Variants in ADAMTS18 observed in about 807,000 individuals in gnomAD.
The protein encoded by ADAMTS18 is ADAM metallopeptidase with thrombospondin type 1 motif 18, also known as A disintegrin and metalloproteinase with thrombospondin motifs 18.
In ADAMTS18, 157 loss-of-function variants were observed where a neutral mutation model predicts 165.9. The observed-to-expected ratio is 0.95, with a 90% CI of 0.83 to 1.08. The LOEUF (loss-of-function observed/expected upper bound fraction) is 1.08, where lower values mean the gene tolerates loss of function less well. Among genes scored for constraint, ADAMTS18 ranks in the 50% least tolerant of loss-of-function variants. ADAMTS18 has a pLI of 0.00. For missense variants in ADAMTS18, 2,040 were observed against 1,534.0 expected (o/e 1.33, Z -5.51); for synonymous variants, 782 against 578.2 (o/e 1.35, Z -5.06).
intron 3 of ADAMTS18, among the ~76,000 whole-genome samples, chr16:77,399,725 A>G (rs1483198575): frequency 6.6e-6 from 1 of 152,174 alleles, no homozygotes; most frequent in Non-Finnish European, 1.5e-5. Flanking sequence ...TAAGCATTCA[A>G]AACATGTCAA....
chr16:77,333,417 C>G (rs2056222880), intron 12 of ADAMTS18, among the ~76,000 whole-genome samples: 1 of 151,138 alleles, frequency 6.6e-6, no homozygotes, highest in Non-Finnish European at 1.5e-5. Context: ...GCGCTATATA[C>G]CTATATAACA....
At chr16:77,284,565 G>T (rs1224415316) in intron 22 of ADAMTS18, among the ~76,000 whole-genome samples, 2 of 152,016 alleles carry the variant, frequency 1.3e-5, no homozygotes, top group South Asian at 2.1e-4. Context: ...TTGGGACTTT[G>T]GTAGGGGGGT....
At chr16:77,319,471 C>T (rs1384390405) in intron 16 of ADAMTS18, among the ~76,000 whole-genome samples, 2 of 152,094 alleles carry the variant, frequency 1.3e-5, no homozygotes, top group Non-Finnish European at 2.9e-5. Context: ...TTGAAACAGT[C>T]TTGCTCTGTT....
chr16:77,353,331 A>T (rs1296489043), intron 10 of ADAMTS18, among the ~76,000 whole-genome samples: 1 of 152,218 alleles, frequency 6.6e-6, no homozygotes, highest in Non-Finnish European at 1.5e-5. Context: ...AGCTGCTAAT[A>T]GTTATCCCAT....
intron 10 of ADAMTS18, among the ~76,000 whole-genome samples, chr16:77,351,106 T>G (rs867099168): frequency 1.3e-5 from 2 of 152,196 alleles, no homozygotes; most frequent in Admixed American, 6.5e-5. Context: ...GGCTAGAGCC[T>G]GGCAATATTT....
chr16:77,284,645 A>T (rs1287511118), intron 22 of ADAMTS18, among the ~76,000 whole-genome samples: 42 of 152,010 alleles, frequency 2.8e-4, no homozygotes, highest in Admixed American at 2.5e-3. Context: ...ATTTGTTTTT[A>T]AAAAATGTCA....
At chr16:77,344,155 G>GTGTATATATATA (rs369058375) in intron 10 of ADAMTS18, among the ~76,000 whole-genome samples, 1 of 140,260 alleles carries the variant, frequency 7.1e-6, no homozygotes, top group Non-Finnish European at 1.5e-5. Flanking sequence ...ATGTGTGTGT[G>GTGTATATATATA]TATATATATA....
At position 77,297,300 on chromosome 16, in the gene ADAMTS18, G is replaced by A; in HGVS notation, c.2790C>T (p.Ser930=). 1 of 1,614,150 alleles carries A rather than the reference G, an allele frequency of 6.2e-7. No individual in the cohort carries two copies. Among genetic ancestry groups the A allele is most frequent in the Non-Finnish European group, 8.5e-7 (1 of 1,180,000 alleles). Residue 930 remains serine, a synonymous_variant, in exon 18 of 23, where the codon TCC becomes TCT. Transcript: ENST00000282849. Reference sequence around the variant, plus strand: ...TCCAAATGACTTACTAAGCCGGGCAGGAGAAAGCGTTGCAGATTTTGGGCT... The same window carrying A: ...TCCAAATGACTTACTAAGCCGGGCAAGAGAAAGCGTTGCAGATTTTGGGCT... ...VTEPKICNAF[S]CPAYWMPGEW...
At chr16:77,286,103 G>T (rs1312864108) in intron 22 of ADAMTS18, among the ~76,000 whole-genome samples, 1 of 152,044 alleles carries the variant, frequency 6.6e-6, no homozygotes, top group Non-Finnish European at 1.5e-5. Flanking sequence ...TCTTCACCTT[G>T]TTTCTTGTAC....
intron 16 of ADAMTS18, among the ~76,000 whole-genome samples, chr16:77,317,209 C>T (rs146793420): frequency 6.1e-4 from 93 of 152,284 alleles, no homozygotes; most frequent in African/African-American, 2.2e-3. Context: ...CTGTACCCTC[C>T]AACACTCTAA....
chr16:77,338,618 T>G (rs1435648163), intron 11 of ADAMTS18, among the ~76,000 whole-genome samples: 1 of 152,010 alleles, frequency 6.6e-6, no homozygotes, highest in South Asian at 2.1e-4. Flanking sequence ...ATAGACAGCA[T>G]GTACAAACCT....
At chr16:77,294,181 G>A (rs1461366091) in intron 19 of ADAMTS18, among the ~76,000 whole-genome samples, 1 of 152,146 alleles carries the variant, frequency 6.6e-6, no homozygotes, top group Non-Finnish European at 1.5e-5. Flanking sequence ...CAGTGATTGA[G>A]CAGTGGTTGA....
intron 3 of ADAMTS18, among the ~76,000 whole-genome samples, chr16:77,409,676 T>G (rs1019830777): frequency 1.3e-5 from 2 of 152,160 alleles, no homozygotes; most frequent in African/African-American, 4.8e-5. Context: ...CTGACGGGTC[T>G]GCTTCATCAA....
intron 3 of ADAMTS18, among the ~76,000 whole-genome samples, chr16:77,395,910 A>T (rs2057250915): frequency 6.6e-6 from 1 of 152,300 alleles, no homozygotes; most frequent in East Asian, 1.9e-4. Flanking sequence ...AGCTTCAATG[A>T]TAGTCATGAT....
At chr16:77,411,624 C>A (rs1455746660) in intron 3 of ADAMTS18, among the ~76,000 whole-genome samples, 1 of 149,816 alleles carries the variant, frequency 6.7e-6, no homozygotes, top group East Asian at 2.0e-4. Context: ...GGTGAAAAGG[C>A]CTTGTGATGG....
intron 22 of ADAMTS18, among the ~76,000 whole-genome samples, chr16:77,286,936 T>TACCCAGATAAGGCATCAC (rs1392677798): frequency 6.6e-6 from 1 of 152,066 alleles, no homozygotes; most frequent in Non-Finnish European, 1.5e-5. Context: ...CCAACCAAGA[T>TACCCAGATAAGGCATCAC]ACCCAGATAA....
At chr16:77,413,576 C>T (rs998670815) in intron 3 of ADAMTS18, among the ~76,000 whole-genome samples, 2 of 152,048 alleles carry the variant, frequency 1.3e-5, no homozygotes, top group Admixed American at 1.3e-4. Context: ...TCACTCAACC[C>T]CTCTATTAGG....
intron 13 of ADAMTS18, among the ~76,000 whole-genome samples, chr16:77,324,896 CTCTA>C (rs1252622655): frequency 1.4e-5 from 2 of 143,986 alleles, no homozygotes; most frequent in African/African-American, 4.9e-5. Flanking sequence ...TCATGTCTGT[CTCTA>C]TCTATACTTC....
At chr16:77,433,888 C>T (rs1440655199) in intron 2 of ADAMTS18, among the ~76,000 whole-genome samples, 1 of 151,936 alleles carries the variant, frequency 6.6e-6, no homozygotes, top group South Asian at 2.1e-4. Context: ...ACTCAGAGAC[C>T]TGAAGTCACC....
Sources: gnomAD v4.1 joint callset for allele counts (sites outside exome capture counted in the v4.1 genomes callset) on GRCh38, gnomAD v4.1.1 for gene constraint, MANE v1.5 for transcripts, NCBI Gene and HGNC (gene_info 2026-07-23, HGNC 2026-07-21) for gene names.